Variants in BRIP1 observed in about 807,000 individuals in gnomAD.
BRIP1 encodes the protein Fanconi anemia group J protein.
Under a neutral mutation model 119.7 loss-of-function variants are expected in BRIP1, and 88 were observed. That is an observed-to-expected ratio of 0.74 (90% CI 0.62 to 0.88). The LOEUF is 0.88. Ranked by LOEUF, BRIP1 falls within the 40% of genes least tolerant of loss-of-function variation. The probability of loss-of-function intolerance (pLI) is 0.00; values close to 1 mark genes in which losing one functional copy is unlikely to be tolerated. For missense variants in BRIP1, 1,259 were observed against 1,455.4 expected (o/e 0.87, Z 2.20); for synonymous variants, 443 against 496.5 (o/e 0.89, Z 1.43).
intron 6 of BRIP1, among the ~76,000 whole-genome samples, chr17:61,838,383 T>C (rs1179457415): frequency 6.6e-6 from 1 of 151,554 alleles, no homozygotes; most frequent in Non-Finnish European, 1.5e-5. Flanking sequence ...CTGTCTCTAC[T>C]AAAATATAAA....
chr17:61,728,777 G>A (rs183339849), intron 16 of BRIP1, among the ~76,000 whole-genome samples: 42 of 152,284 alleles, frequency 2.8e-4, no homozygotes, highest in African/African-American at 8.9e-4. Context: ...GGCTTGATGA[G>A]CAATTTAGCC....
At chr17:61,783,532 G>A (rs1399618471) in intron 11 of BRIP1, among the ~76,000 whole-genome samples, 5 of 151,768 alleles carry the variant, frequency 3.3e-5, no homozygotes, top group Non-Finnish European at 5.9e-5. Flanking sequence ...AGTTGTATAC[G>A]TAAAATGGTT....
chr17:61,766,287 AC>A (rs1398226721), intron 14 of BRIP1, among the ~76,000 whole-genome samples: 1 of 152,174 alleles, frequency 6.6e-6, no homozygotes, highest in Non-Finnish European at 1.5e-5. Flanking sequence ...AAACAAAGGA[AC>A]AAACAAAGGA....
chr17:61,855,451 C>T lies in BRIP1; in HGVS notation c.379+1607G>A, dbSNP rs185051178. ...AAAATTAGCTGGGTGTGGTGGCAGG[C>T]GCCTGTCATCCCAATTACTTGGGAG... On this transcript the variant is annotated intron_variant, in intron 4 of 19. Transcript: ENST00000259008. Among the ~76,000 whole-genome samples, 341 of 151,828 alleles carry T rather than the reference C, an allele frequency of 2.2e-3. 1 individual carries two copies. The highest frequency in any genetic ancestry group is 7.7e-3 in the African/African-American group (320 of 41,410).
chr17:61,750,897 C>G (rs1252097626), intron 14 of BRIP1, among the ~76,000 whole-genome samples: 2 of 152,268 alleles, frequency 1.3e-5, no homozygotes, highest in African/African-American at 2.4e-5. Flanking sequence ...TAAAATGGTA[C>G]AACTGCTGAG....
intron 10 of BRIP1, among the ~76,000 whole-genome samples, chr17:61,791,371 C>G (rs1399151494): frequency 6.7e-6 from 1 of 149,492 alleles, no homozygotes; most frequent in Non-Finnish European, 1.5e-5. Context: ...TGCCTGTAGT[C>G]CCAGCAACTC....
Position 61,767,475 on chromosome 17 carries a change from A to G in BRIP1, c.2097+8926T>C, listed in dbSNP as rs1001838833. On this transcript the variant is annotated intron_variant, in intron 14 of 19. Coordinates refer to ENST00000259008, the MANE Select transcript of BRIP1 (RefSeq NM_032043.3). This position sits in a 1 kb window ranked among gnomAD's most constrained non-coding sequence, Gnocchi z 5.7. Reference sequence around the variant, plus strand: ...GTTTTTTTAAACACTGGGTCTCTCTATGTTACCCAGGCTGGTCTTGAACAT... The same window carrying G: ...GTTTTTTTAAACACTGGGTCTCTCTGTGTTACCCAGGCTGGTCTTGAACAT... Among the ~76,000 whole-genome samples, 7 of 151,802 alleles carry G rather than the reference A, an allele frequency of 4.6e-5. No individual in the cohort carries two copies. Among genetic ancestry groups the G allele is most frequent in the African/African-American group, 1.7e-4 (7 of 41,312 alleles).
rs745367580 is a variant in BRIP1 at position 61,780,398 on chromosome 17, A to G, written c.1798T>C (p.Phe600Leu). 8.7e-6 allele frequency: 14 copies of G among 1,608,314 alleles called. No homozygotes were observed. The highest frequency in any genetic ancestry group is 1.2e-5 in the Non-Finnish European group (14 of 1,174,852). The change falls in exon 13 of 20, where the codon TTT becomes CTT. Residue 600 changes from phenylalanine (F) to leucine (L), a missense_variant. This residue lies in a region of BRIP1 where 753 missense variants were observed against 891.8 expected (regional missense o/e 0.84). Coordinates refer to ENST00000259008, the MANE Select transcript of BRIP1 (RefSeq NM_032043.3). The surrounding 1 kb of genome is among the most constrained non-coding windows in gnomAD (Gnocchi z 5.4). ...TGAACTTTGCCATTAATATCTGAAA[A>G]GGCCTAAAAGAAAACAACATTAGAT... ...NFWCLNPAVA[F>L]SDINGKVQTI... is the part of the protein sequence containing the mutation.
rs558095412 is a variant in BRIP1, at chr17:61,791,916, T to C, written c.1473+1681A>G. ...AGTATTATGCTATCTGAAATAAGCC[T>C]GATAGAAAGACAAATACTGCATGCT... On this transcript the variant is annotated intron_variant, in intron 10 of 19. Transcript: ENST00000259008. Among the ~76,000 whole-genome samples the C allele has an allele frequency of 1.4e-4, 22 of 152,198 alleles. 1 individual carries two copies. Among genetic ancestry groups the C allele is most frequent in the Non-Finnish European group, 1.2e-4 (8 of 68,044 alleles).
In BRIP1 at chr17:61,808,391, A is replaced by T. The variant is rs2078104810; in HGVS notation, c.918+76T>A. The T allele has an allele frequency of 3.5e-6, 5 of 1,424,920 alleles. No homozygotes were observed. The highest frequency in any genetic ancestry group is 4.9e-6 in the Non-Finnish European group (5 of 1,015,884). The allele number at this position is 1,424,920 out of a possible 1,614,324, so 88.3% of individuals were successfully genotyped here. A position where few individuals can be genotyped will look rare whatever the true frequency, so the allele number is the denominator to read the frequency against. On this transcript the variant is annotated intron_variant, in intron 7 of 19. Coordinates refer to ENST00000259008, the MANE Select transcript of BRIP1 (RefSeq NM_032043.3). The surrounding 1 kb of genome is among the most constrained non-coding windows in gnomAD (Gnocchi z 4.1). ...CCGAAGTTGATTATCACTAAAATGT[A>T]CATATAAAACACATACTGAGTAATT... is the stretch of plus-strand genomic sequence containing the variant.
rs914772765 is a variant in BRIP1, at chr17:61,823,764, A to G, written c.628-15007T>C. Among the ~76,000 whole-genome samples, 6 of 124,228 alleles carry G rather than the reference A, an allele frequency of 4.8e-5. No individual in the cohort carries two copies. Among genetic ancestry groups the G allele is most frequent in the Non-Finnish European group, 8.5e-5 (5 of 58,838 alleles). The allele number at this position is 124,228 out of a possible 152,430, so 81.5% of individuals were successfully genotyped here. On this transcript the variant is annotated intron_variant, in intron 6 of 19. Coordinates refer to ENST00000259008, the MANE Select transcript of BRIP1 (RefSeq NM_032043.3). The surrounding 1 kb of genome is among the most constrained non-coding windows in gnomAD (Gnocchi z 4.8). ...GACCCCAAGCACACAATAAACACAC[A>G]CACACACACACACACACACACACAC...
rs1168121441 is a variant in BRIP1, at chr17:61,851,249, T to G, written c.380-1993A>C. On this transcript the variant is annotated intron_variant, in intron 4 of 19. Transcript: ENST00000259008. This position sits in a 1 kb window ranked among gnomAD's most constrained non-coding sequence, Gnocchi z 4.6. ...TCTCAAAAAAAGAAAAAAAAAGAAA[T>G]GTTGCTTAAAATTTCCAAAATAGGG... is the stretch of plus-strand genomic sequence containing the variant. Among the ~76,000 whole-genome samples the G allele has an allele frequency of 6.6e-6, 1 of 151,892 alleles. No homozygotes were observed. The highest frequency in any genetic ancestry group is 1.5e-5 in the Non-Finnish European group (1 of 67,940).
At position 61,713,475 on chromosome 17, in the gene BRIP1, C is replaced by T. The variant is rs1469505996; in HGVS notation, c.2492+2476G>A. Among the ~76,000 whole-genome samples, 1 of 151,850 alleles carries T rather than the reference C, an allele frequency of 6.6e-6. No individual in the cohort carries two copies. The highest frequency in any genetic ancestry group is 1.5e-5 in the Non-Finnish European group (1 of 67,966). ...GAGGTAGAAGACAGGGATATTAATG[C>T]TCCTGATCCTGTGTAGGCCTAGGAT... On this transcript the variant is annotated intron_variant, in intron 17 of 19. Transcript: ENST00000259008. The surrounding 1 kb of genome is among the most constrained non-coding windows in gnomAD (Gnocchi z 4.9).
chr17:61,697,652 A>G (rs1449877583), intron 17 of BRIP1, among the ~76,000 whole-genome samples: 1 of 150,716 alleles, frequency 6.6e-6, no homozygotes, highest in East Asian at 1.9e-4. Flanking sequence ...CTGTTCTTTG[A>G]ATTCTCTATT....
chr17:61,697,314 G>A (rs1173305898), intron 17 of BRIP1, among the ~76,000 whole-genome samples: 3 of 107,278 alleles, frequency 2.8e-5, no homozygotes, highest in African/African-American at 7.3e-5. Context: ...TCCAGCCCAG[G>A]CAACAGTGTG....
In BRIP1 at chr17:61,808,778, G is replaced by A. The variant is rs759424776; in HGVS notation, c.628-21C>T. The A allele has an allele frequency of 5.0e-6, 8 of 1,605,950 alleles. No homozygotes were observed. Among genetic ancestry groups the A allele is most frequent in the East Asian group, 4.5e-5 (2 of 44,858 alleles). ...GGGGGCTGTAAGAAAGGAAAGAAAC[G>A]ATAACTAATATCTAAACTACCATAA... On this transcript the variant is annotated intron_variant, in intron 6 of 19. Coordinates refer to ENST00000259008, the MANE Select transcript of BRIP1 (RefSeq NM_032043.3). The surrounding 1 kb of genome is among the most constrained non-coding windows in gnomAD (Gnocchi z 4.1).
intron 16 of BRIP1, among the ~76,000 whole-genome samples, chr17:61,737,738 A>G (rs1216932477): frequency 6.6e-6 from 1 of 152,222 alleles, no homozygotes; most frequent in Non-Finnish European, 1.5e-5. Context: ...TAATCATTAT[A>G]AAAACTGCAT....
At position 61,761,735 on chromosome 17, in the gene BRIP1, A is replaced by G. The variant is rs1226977707; in HGVS notation, c.2097+14666T>C. On this transcript the variant is annotated intron_variant, in intron 14 of 19. Coordinates refer to ENST00000259008, the MANE Select transcript of BRIP1 (RefSeq NM_032043.3). This position sits in a 1 kb window ranked among gnomAD's most constrained non-coding sequence, Gnocchi z 6.4. ...AAGAAAGGCTTGTACGCTGAAATCT[A>G]TAAAATGTTGATGAGAGAAATTGTA... Among the ~76,000 whole-genome samples the G allele has an allele frequency of 6.6e-6, 1 of 152,044 alleles. No individual in the cohort carries two copies. Among genetic ancestry groups the G allele is most frequent in the South Asian group, 2.1e-4 (1 of 4,832 alleles).
In BRIP1 at chr17:61,684,667, T is replaced by C; in HGVS notation, c.2906-527A>G. On this transcript the variant is annotated intron_variant, in intron 19 of 19. Transcript: ENST00000259008. The surrounding 1 kb of genome is among the most constrained non-coding windows in gnomAD (Gnocchi z 4.5). The stretch of plus-strand genomic sequence containing the variant: ...TTGAATTCACTATTTATAGTGAATT[T>C]TGTATTACTATTTTGTAGTATTTAT... 6.5e-6 allele frequency: 1 copy of C among 152,692 alleles called. No homozygotes were observed. The highest frequency in any genetic ancestry group is 1.9e-4 in the East Asian group (1 of 5,216). The allele number at this position is 152,692 out of a possible 1,614,324, so 9.5% of individuals were successfully genotyped here. A position where few individuals can be genotyped will look rare whatever the true frequency, so the allele number is the denominator to read the frequency against.
Sources: gnomAD v4.1 joint callset for allele counts (sites outside exome capture counted in the v4.1 genomes callset) on GRCh38, gnomAD v4.1.1 for gene constraint, gnomAD v4.1.1 regional missense constraint, Gnocchi (gnomAD v3.1) non-coding constraint, MANE v1.5 for transcripts, NCBI Gene and HGNC (gene_info 2026-07-23, HGNC 2026-07-21) for gene names.